Variants in TMCO6 observed in about 807,000 individuals in gnomAD.
TMCO6 encodes transmembrane and coiled-coil domain-containing protein 6.
In TMCO6, 47 loss-of-function variants were observed where a neutral mutation model predicts 61.8. The observed-to-expected ratio is 0.76, with a 90% CI of 0.60 to 0.97. The LOEUF (loss-of-function observed/expected upper bound fraction) is 0.97. TMCO6 is among the 50% of genes least tolerant of loss of function. The probability of loss-of-function intolerance (pLI) is 0.00; values close to 1 mark genes in which losing one functional copy is unlikely to be tolerated. For missense variants in TMCO6, 557 were observed against 601.6 expected, an observed-to-expected ratio of 0.93 and a Z score of 0.78; for synonymous variants, 261 against 254.2, an observed-to-expected ratio of 1.03 and a Z score of -0.25.
the TMCO6 span, among the ~76,000 whole-genome samples, chr5:140,601,384 C>A: frequency 8.4e-3 from 1,273 of 152,204 alleles, 21 homozygotes; most frequent in African/African-American, 0.029. Context: ...GGGACTATTG[C>A]CCCAGGTGAT....
the TMCO6 span, among the ~76,000 whole-genome samples, chr5:140,627,231 G>T: frequency 3.3e-5 from 5 of 151,362 alleles, no homozygotes; most frequent in African/African-American, 9.7e-5. Context: ...GAAAAACCTG[G>T]TAAGTAAGCA....
chr5:140,647,458 C>T (rs1339600928), downstream of TMCO6: 2 of 1,609,866 alleles, frequency 1.2e-6, no homozygotes, highest in Non-Finnish European at 8.5e-7. Flanking sequence ...CCGAAGCCCG[C>T]CCGCCTCACC....
chr5:140,630,840 G>C, the TMCO6 span, among the ~76,000 whole-genome samples: 5 of 152,188 alleles, frequency 3.3e-5, no homozygotes, highest in African/African-American at 4.8e-5. Context: ...AGAGGCAGGT[G>C]CTGGGCCTAT....
the TMCO6 span, among the ~76,000 whole-genome samples, chr5:140,603,456 C>T: frequency 6.6e-6 from 1 of 151,982 alleles, no homozygotes; most frequent in Non-Finnish European, 1.5e-5. Context: ...TACAGGTGCT[C>T]GTCACCACAC....
chr5:140,646,571 TA>T (rs1307476459), downstream of TMCO6, among the ~76,000 whole-genome samples: 3 of 152,144 alleles, frequency 2.0e-5, no homozygotes, highest in Non-Finnish European at 2.9e-5. Context: ...AAGCTGTGAT[TA>T]AAATCCTGTT....
chr5:140,642,890 G>A (rs984187133), intron 6 of TMCO6, 35 bp from the exon 7 acceptor site: 11 of 1,613,920 alleles, frequency 6.8e-6, no homozygotes, highest in Admixed American at 5.0e-5. Flanking sequence ...TGGCATCTTC[G>A]TGGTTCCTAC....
the TMCO6 span, among the ~76,000 whole-genome samples, chr5:140,623,169 A>G: frequency 6.6e-6 from 1 of 152,216 alleles, no homozygotes; most frequent in Non-Finnish European, 1.5e-5. Context: ...GGAGTCCTTT[A>G]AAAACTAACT....
the TMCO6 span, among the ~76,000 whole-genome samples, chr5:140,601,619 A>G: frequency 1.3e-5 from 2 of 152,154 alleles, no homozygotes; most frequent in African/African-American, 2.4e-5. Flanking sequence ...CAGTGACACA[A>G]TCTCAGAACT....
At position 140,639,744 on chromosome 5, in the gene TMCO6, C is replaced by T. The variant is rs750805511; in HGVS notation, c.91C>T (p.Arg31Trp). ...RRRREREAAL[R>W]KARREQQLVS... The stretch of plus-strand genomic sequence containing the variant: ...GCCGGCTCCTCTGCCCCCAGCACTG[C>T]GGAAGGCGCGGAGGGAGCAGCAGCT... The change falls in exon 2 of 12, where the codon CGG becomes TGG. Residue 31 changes from arginine (R) to tryptophan (W), a missense_variant. By Grantham distance (101) the Arg-to-Trp change is moderately radical. Coordinates refer to ENST00000394671, the MANE Select transcript of TMCO6 (RefSeq NM_018502.5). 2 of 1,594,280 alleles carry T rather than the reference C, an allele frequency of 1.3e-6. No individual in the cohort carries two copies. The highest frequency in any genetic ancestry group is 1.7e-6 in the Non-Finnish European group (2 of 1,171,572).
At chr5:140,640,985 A>T (rs1202972927) in intron 2 of TMCO6, 2 of 154,320 alleles carry the variant, frequency 1.3e-5, no homozygotes, top group Non-Finnish European at 2.9e-5. Context: ...TTCCTAGGTC[A>T]TACTATTCCA....
chr5:140,605,418 G>A, the TMCO6 span, among the ~76,000 whole-genome samples: 2 of 152,042 alleles, frequency 1.3e-5, no homozygotes, highest in South Asian at 2.1e-4. Context: ...GGTGGTTCAC[G>A]CCTGTAATCC....
chr5:140,647,383 C>T, downstream of TMCO6: 1 of 1,611,220 alleles, frequency 6.2e-7, no homozygotes, highest in Non-Finnish European at 8.5e-7. Flanking sequence ...GGAGAGAGCG[C>T]CGCGCGTGCT....
chr5:140,621,130 A>T, the TMCO6 span, among the ~76,000 whole-genome samples: 2 of 152,176 alleles, frequency 1.3e-5, no homozygotes, highest in Non-Finnish European at 2.9e-5. Flanking sequence ...CCACTATTGG[A>T]CCCACTGCCT....
At chr5:140,631,919 C>G in the TMCO6 span, 29 of 1,603,798 alleles carry the variant, frequency 1.8e-5, no homozygotes, top group Non-Finnish European at 2.5e-5. Context: ...CCGACAGGGT[C>G]GAACGTGCAC....
At chr5:140,609,753 C>G in the TMCO6 span, among the ~76,000 whole-genome samples, 2 of 151,888 alleles carry the variant, frequency 1.3e-5, no homozygotes, top group African/African-American at 4.8e-5. Context: ...TTACTTAGAT[C>G]TTCTTTAATT....
At chr5:140,644,503 C>A in intron 10 of TMCO6, 70 bp from the exon 11 acceptor site, 1 of 1,564,044 alleles carries the variant, frequency 6.4e-7, no homozygotes. Flanking sequence ...GTCACCATGT[C>A]ATATATTTTA....
upstream of TMCO6, among the ~76,000 whole-genome samples, chr5:140,636,543 A>T (rs1561938152): frequency 6.6e-6 from 1 of 151,840 alleles, no homozygotes; most frequent in Non-Finnish European, 1.5e-5. Context: ...ATTTTTTTTA[A>T]TTAAAAAATT....
At chr5:140,624,215 A>G in the TMCO6 span, among the ~76,000 whole-genome samples, 2 of 151,944 alleles carry the variant, frequency 1.3e-5, no homozygotes, top group Non-Finnish European at 2.9e-5. Flanking sequence ...AAATACAAAA[A>G]TTAGCCAGGC....
At chr5:140,628,327 C>T in the TMCO6 span, among the ~76,000 whole-genome samples, 6 of 152,182 alleles carry the variant, frequency 3.9e-5, no homozygotes, top group Admixed American at 3.3e-4. Flanking sequence ...AGATACCTAA[C>T]CTCCTGAAAT....
Sources: allele counts gnomAD v4.1 joint callset (sites outside exome capture counted in the v4.1 genomes callset), GRCh38; gene constraint gnomAD v4.1.1; transcripts MANE v1.5; gene names NCBI Gene and HGNC (gene_info 2026-07-23, HGNC 2026-07-21).